Variants in SUSD1 observed in about 807,000 individuals in gnomAD.
The protein encoded by SUSD1 is sushi domain containing 1, also known as sushi domain-containing protein 1.
Under a neutral mutation model 86.9 loss-of-function variants are expected in SUSD1, and 65 were observed. The ratio of observed to expected loss-of-function variants is 0.75; its 90% CI spans 0.61 to 0.92. The LOEUF (loss-of-function observed/expected upper bound fraction) is 0.92, where lower values mean the gene tolerates loss of function less well. SUSD1 is among the 40% of genes least tolerant of loss of function. SUSD1 has a pLI of 0.00. For synonymous variants in SUSD1, 346 were observed against 350.0 expected (o/e 0.99, Z 0.13); for missense variants, 850 against 929.7 (o/e 0.91, Z 1.11).
At chr9:112,057,463 T>C (rs963161730) in intron 14 of SUSD1, among the ~76,000 whole-genome samples, 2 of 152,230 alleles carry the variant, frequency 1.3e-5, no homozygotes, top group Non-Finnish European at 1.5e-5. Flanking sequence ...AATTTTCTAA[T>C]GAAAAGGCCT....
chr9:112,149,077 G>T (rs1832930898), intron 3 of SUSD1, among the ~76,000 whole-genome samples, 167 bp downstream of exon 3: 1 of 151,942 alleles, frequency 6.6e-6, no homozygotes, highest in South Asian at 2.1e-4. Context: ...AACACCCCTA[G>T]ATACCTCAGC....
At chr9:112,080,421 C>T (rs943387778) in intron 10 of SUSD1, among the ~76,000 whole-genome samples, 24 of 152,322 alleles carry the variant, frequency 1.6e-4, no homozygotes, top group Non-Finnish European at 2.5e-4. Flanking sequence ...GGCACAGTGG[C>T]TCACGCCTGT....
chr9:112,149,327 C>T lies in SUSD1; in HGVS notation c.290G>A (p.Gly97Asp), dbSNP rs781471455. The T allele has an allele frequency of 1.9e-6, 3 of 1,614,072 alleles. No individual in the cohort carries two copies. The highest frequency in any genetic ancestry group is 2.2e-5 in the South Asian group (2 of 91,078). ...NHTSCHNTPG[G>D]FYCICLEGYR... ...TCCTTCCAGGCAAATGCAATAGAAG[C>T]CCCCGGGGGTGTTGTGGCAAGATGT... is the stretch of plus-strand genomic sequence containing the variant. Residue 97 changes from glycine to aspartate, a missense_variant, in exon 3 of 17, where the codon GGC becomes GAC. Transcript: ENST00000374270.
chr9:112,171,490 G>A (rs1221294194), intron 1 of SUSD1, among the ~76,000 whole-genome samples: 3 of 152,212 alleles, frequency 2.0e-5, no homozygotes, highest in Non-Finnish European at 4.4e-5. Context: ...TATGGTATAA[G>A]TGTACAACCA....
chr9:112,082,885 T>C (rs1361470075), intron 10 of SUSD1, among the ~76,000 whole-genome samples: 1 of 152,002 alleles, frequency 6.6e-6, no homozygotes, highest in East Asian at 1.9e-4. Context: ...GTCCGGCTTA[T>C]TTTTTATTTA....
intron 1 of SUSD1, among the ~76,000 whole-genome samples, chr9:112,171,377 T>G (rs906448789): frequency 1.3e-5 from 2 of 152,266 alleles, no homozygotes; most frequent in Admixed American, 1.3e-4. Context: ...CTTTGCTTAT[T>G]CTTGTTTGGA....
At chr9:112,127,943 C>T (rs1831850319) in intron 5 of SUSD1, among the ~76,000 whole-genome samples, 1 of 151,986 alleles carries the variant, frequency 6.6e-6, no homozygotes, top group Non-Finnish European at 1.5e-5. Flanking sequence ...GCTGGGACCA[C>T]AGGCATGTAC....
chr9:112,125,118 G>A (rs186492347), intron 5 of SUSD1, among the ~76,000 whole-genome samples: 9 of 151,938 alleles, frequency 5.9e-5, no homozygotes, highest in African/African-American at 1.7e-4. Context: ...TTAAAAAATC[G>A]ATCCGTTTAT....
intron 2 of SUSD1, among the ~76,000 whole-genome samples, chr9:112,154,745 C>T (rs1015123622): frequency 9.2e-5 from 14 of 152,064 alleles, no homozygotes; most frequent in African/African-American, 3.4e-4. Context: ...AGGGACATTT[C>T]GGTTTGCAGA....
At chr9:112,129,611 G>A (rs777384932) in intron 5 of SUSD1, among the ~76,000 whole-genome samples, 9 of 152,048 alleles carry the variant, frequency 5.9e-5, no homozygotes, top group Admixed American at 1.3e-4. Flanking sequence ...TCACTCAGCC[G>A]AGTATTATCT....
chr9:112,103,029 T>C, intron 8 of SUSD1: 1 of 358,146 alleles, frequency 2.8e-6, no homozygotes, highest in Non-Finnish European at 5.6e-6. Context: ...ATATCAGTGA[T>C]TTTCAAGAAA....
chr9:112,103,107 A>G (rs1350693102), intron 8 of SUSD1: 2 of 454,862 alleles, frequency 4.4e-6, no homozygotes, highest in Non-Finnish European at 9.0e-6. Flanking sequence ...TGTCTACCAG[A>G]GAGAAGCTAT....
intron 1 of SUSD1, among the ~76,000 whole-genome samples, chr9:112,160,522 C>T (rs1242822826): frequency 1.3e-5 from 2 of 152,054 alleles, no homozygotes; most frequent in East Asian, 3.9e-4. Context: ...CTAGCCTGGG[C>T]AACAGAGTGA....
intron 13 of SUSD1, among the ~76,000 whole-genome samples, chr9:112,060,263 T>C (rs1490399766): frequency 6.6e-6 from 1 of 152,030 alleles, no homozygotes; most frequent in East Asian, 1.9e-4. Flanking sequence ...ATTTTCTTTC[T>C]TTTCTTTTCT....
intron 6 of SUSD1, among the ~76,000 whole-genome samples, chr9:112,115,820 AAAAG>A (rs1831295601): frequency 5.1e-5 from 1 of 19,728 alleles, no homozygotes; most frequent in Non-Finnish European, 1.1e-4. Flanking sequence ...AAAAAAAAAA[AAAAG>A]AAAAAAAAAA....
At chr9:112,067,727 T>A (rs539945382) in intron 12 of SUSD1, among the ~76,000 whole-genome samples, 1 of 152,184 alleles carries the variant, frequency 6.6e-6, no homozygotes, top group South Asian at 2.1e-4. Context: ...TATCACTGCA[T>A]CAGCTCAGTA....
In SUSD1 at chr9:112,098,609, C is replaced by T. The variant is rs79362944; in HGVS notation, c.1335G>A (p.Ser445=). Residue 445 remains serine (S), a synonymous_variant, in exon 10 of 17, where the codon TCG becomes TCA. Transcript: ENST00000374270. ...CTTGTTCCCTCGTTGTGAAGTTAAA[C>T]GATGTTGCATGAGAAAAGTTAGCCA... ...WYLANFSHAT[S]FNFTTREQVP... 24 of 1,614,086 alleles carry T rather than the reference C, an allele frequency of 1.5e-5. No individual in the cohort carries two copies. The African/African-American group carries it at 1.6e-4, about 11-fold the overall frequency.
intron 10 of SUSD1, among the ~76,000 whole-genome samples, chr9:112,093,779 G>A (rs1002294728): frequency 3.3e-5 from 5 of 152,182 alleles, no homozygotes; most frequent in African/African-American, 9.6e-5. Flanking sequence ...AAGGCACCAT[G>A]ATGGAAGATG....
chr9:112,107,595 A>T (rs1488425993), intron 8 of SUSD1, among the ~76,000 whole-genome samples: 4 of 152,236 alleles, frequency 2.6e-5, no homozygotes, highest in Non-Finnish European at 4.4e-5. Context: ...GAGTACATTT[A>T]TAGTAATATT....
Sources: allele counts gnomAD v4.1 joint callset (sites outside exome capture counted in the v4.1 genomes callset), GRCh38; gene constraint gnomAD v4.1.1; transcripts MANE v1.5; gene names NCBI Gene and HGNC (gene_info 2026-07-23, HGNC 2026-07-21).